MLC1: variants seen among roughly 807,000 people sequenced by gnomAD.
The protein encoded by MLC1 is modulator of VRAC current 1.
Under a neutral mutation model 44.7 loss-of-function variants are expected in MLC1, and 32 were observed. The observed-to-expected ratio is 0.72, with a 90% CI of 0.54 to 0.96. The LOEUF is 0.96. Ranked by LOEUF, MLC1 falls within the 40% of genes least tolerant of loss-of-function variation. MLC1 has a pLI of 0.00. For missense variants in MLC1, 459 were observed against 492.2 expected (o/e 0.93, Z 0.64); for synonymous variants, 190 against 213.0 (o/e 0.89, Z 0.94).
Position 50,085,338 on chromosome 22 carries a change from A to C in MLC1, c.-60+17T>G, listed in dbSNP as rs1036998844. On this transcript the variant is annotated intron_variant, in intron 1 of 11. Coordinates refer to ENST00000311597, the MANE Select transcript of MLC1 (RefSeq NM_015166.4). Reference sequence around the variant, plus strand: ...AAAACATGCCTCTACTCAACGGCTTAATGTCTGAGCACTTACCTCCCCCGC... The same window carrying C: ...AAAACATGCCTCTACTCAACGGCTTCATGTCTGAGCACTTACCTCCCCCGC... 1 of 443,734 alleles carries C rather than the reference A, an allele frequency of 2.3e-6. No individual in the cohort carries two copies. Among genetic ancestry groups the C allele is most frequent in the South Asian group, 3.5e-5 (1 of 28,626 alleles). The allele number at this position is 443,734 out of a possible 1,614,324, so 27.5% of individuals were successfully genotyped here. A position where few individuals can be genotyped will look rare whatever the true frequency, so the allele number is the denominator to read the frequency against.
Position 50,076,772 on chromosome 22 carries a change from C to A in MLC1, c.597+69G>T, listed in dbSNP as rs867652683. On this transcript the variant is annotated intron_variant, in intron 7 of 11. Transcript: ENST00000311597. ...TCGCCAACTCGGAATCGAAACGTGA[C>A]GTTTAATCCAGCCTCAGTCACCCCC... The A allele has an allele frequency of 1.4e-5, 21 of 1,539,622 alleles. No homozygotes were observed. The Admixed American group carries it at 2.8e-4, about 21-fold the overall frequency.
intron 10 of MLC1, among the ~76,000 whole-genome samples, chr22:50,065,243 G>A (rs931971494): frequency 6.6e-6 from 1 of 152,110 alleles, no homozygotes; most frequent in Non-Finnish European, 1.5e-5. Flanking sequence ...TTATTAGAAA[G>A]TCTGGTACTT....
At chr22:50,066,173 G>A (rs2061697724) in intron 10 of MLC1, among the ~76,000 whole-genome samples, 1 of 151,596 alleles carries the variant, frequency 6.6e-6, no homozygotes, top group African/African-American at 2.4e-5. Flanking sequence ...CCCTGTCTCT[G>A]AAAAATAAAA....
At chr22:50,066,577 T>C (rs992020383) in intron 10 of MLC1, among the ~76,000 whole-genome samples, 3 of 151,996 alleles carry the variant, frequency 2.0e-5, no homozygotes, top group Admixed American at 1.3e-4. Flanking sequence ...GGAGAATCAC[T>C]TGAACCCAGG....
At chr22:50,073,349 G>C (rs894424502) in intron 8 of MLC1, among the ~76,000 whole-genome samples, 14 of 152,254 alleles carry the variant, frequency 9.2e-5, no homozygotes, top group Non-Finnish European at 1.8e-4. Context: ...GCAAGGTGCT[G>C]AGAACCTCGT....
At chr22:50,085,867 C>T (rs1255962026), upstream of MLC1, 5 of 152,372 alleles carry the variant, frequency 3.3e-5, no homozygotes, top group African/African-American at 1.2e-4. Context: ...GTGGGCAGCC[C>T]GGATGGCTGG....
chr22:50,085,050 G>A (rs2062247661), intron 1 of MLC1, 89 bp from the exon 2 acceptor site: 1 of 1,491,762 alleles, frequency 6.7e-7, no homozygotes, highest in Admixed American at 2.0e-5. Flanking sequence ...AAGAAATATT[G>A]TTCATACTGA....
intron 3 of MLC1, among the ~76,000 whole-genome samples, chr22:50,082,106 C>G (rs2062156807): frequency 6.6e-6 from 1 of 152,214 alleles, no homozygotes; most frequent in Non-Finnish European, 1.5e-5. Flanking sequence ...GGCCAGAGAC[C>G]CAGCAGGCAT....
rs558319587 is a variant in MLC1 at position 50,061,390 on chromosome 22, GCA to G, written c.*191_*192del. ...CTCGGAGCTGACTGATCTCACTGAGGCACAGACTAGCCAACATTGGCCTATTT... is the reference window on the plus strand; with the variant it reads ...CTCGGAGCTGACTGATCTCACTGAGGCAGACTAGCCAACATTGGCCTATTT... On this transcript the variant is annotated 3_prime_UTR_variant, in exon 12 of 12. Coordinates refer to ENST00000311597, the MANE Select transcript of MLC1 (RefSeq NM_015166.4). The G allele has an allele frequency of 1.1e-4, 69 of 643,188 alleles. No individual in the cohort carries two copies. The African/African-American group carries it at 1.1e-3, about 11-fold the overall frequency. The allele number at this position is 643,188 out of a possible 1,614,324, so 39.8% of individuals were successfully genotyped here.
Position 50,084,814 on chromosome 22 carries a change from G to A in MLC1, c.89C>T (p.Pro30Leu). 1.9e-6 allele frequency: 3 copies of A among 1,614,006 alleles called. No individual in the cohort carries two copies. The highest frequency in any genetic ancestry group is 2.5e-6 in the Non-Finnish European group (3 of 1,180,054). Residue 30 changes from proline to leucine, a missense_variant, in exon 2 of 12, where the codon CCA becomes CTA. Transcript: ENST00000311597. ...CTGCAGGTCGCTCGGCTTCGCGTCT[G>A]GGGCATAGCTGGCGGGGTCTTGCCG... ...RGRQDPASYA[P>L]DAKPSDLQLS...
intron 8 of MLC1, among the ~76,000 whole-genome samples, chr22:50,070,993 A>C (rs2146833454): frequency 6.6e-6 from 1 of 152,290 alleles, no homozygotes; most frequent in African/African-American, 2.4e-5. Context: ...GCACACACCC[A>C]AAGCAGGACC....
At chr22:50,070,084 C>G (rs911274098) in intron 9 of MLC1, among the ~76,000 whole-genome samples, 2 of 152,116 alleles carry the variant, frequency 1.3e-5, no homozygotes, top group Non-Finnish European at 2.9e-5. Flanking sequence ...CGCCTATAAT[C>G]CCAGCTACTC....
chr22:50,063,677 C>A lies in MLC1; in HGVS notation c.1059+357G>T, dbSNP rs1211081758. On this transcript the variant is annotated intron_variant, in intron 11 of 11. Transcript: ENST00000311597. ...TGTGGGCCACTCACCTCCCCAGCAC[C>A]CCTGAAACCCACAGGCCTCTCACCT... Among the ~76,000 whole-genome samples, 3 of 141,542 alleles carry A rather than the reference C, an allele frequency of 2.1e-5. No individual in the cohort carries two copies. In the East Asian group the frequency reaches 6.5e-4, roughly 31 times the overall value. 92.9% of individuals were successfully genotyped at this position (141,542 alleles called of 152,430 possible).
At chr22:50,070,127 G>A (rs1237910909) in intron 9 of MLC1, among the ~76,000 whole-genome samples, 2 of 152,096 alleles carry the variant, frequency 1.3e-5, no homozygotes, top group African/African-American at 2.4e-5. Flanking sequence ...ACTTGAACCC[G>A]GGAGGCGGAG....
At chr22:50,078,173 G>C (rs2062029702) in intron 5 of MLC1, among the ~76,000 whole-genome samples, 1 of 151,882 alleles carries the variant, frequency 6.6e-6, no homozygotes, top group African/African-American at 2.4e-5. Context: ...TGTATTTTTA[G>C]TAGAGAGGGG....
chr22:50,070,816 T>C (rs969936930), intron 8 of MLC1, among the ~76,000 whole-genome samples: 4 of 152,118 alleles, frequency 2.6e-5, no homozygotes, highest in Admixed American at 2.0e-4. Context: ...CAACCATTGG[T>C]TTAAAATTTT....
intron 5 of MLC1, 114 bp from the exon 6 acceptor site, chr22:50,077,616 C>A: frequency 1.2e-6 from 1 of 812,292 alleles, no homozygotes; most frequent in Non-Finnish European, 2.1e-6. Context: ...AGCCACGGTC[C>A]CCACTTTTCC....
chr22:50,073,047 G>GCTCCCGGGCAGGCGTGGGCCCC (rs1569246473), intron 8 of MLC1, among the ~76,000 whole-genome samples: 2 of 151,598 alleles, frequency 1.3e-5, no homozygotes, highest in Non-Finnish European at 2.9e-5. Flanking sequence ...CGGCCACACC[G>GCTCCCGGGCAGGCGTGGGCCCC]TTCCCGGGCA....
rs145244403 is a variant in MLC1, at chr22:50,064,492, C to G, written c.895-294G>C. On this transcript the variant is annotated intron_variant, in intron 10 of 11. Transcript: ENST00000311597. ...GCTGGCTGCTAGTGGTCAAGTCGCTCCACCCCTCCTGCTCCAACACGCGCA... is the reference window on the plus strand; with the variant it reads ...GCTGGCTGCTAGTGGTCAAGTCGCTGCACCCCTCCTGCTCCAACACGCGCA... 7.1e-3 allele frequency among the ~76,000 whole-genome samples: 1,085 copies of G among 152,332 alleles called. 12 individuals are homozygous for G. The highest frequency in any genetic ancestry group is 0.025 in the African/African-American group (1,030 of 41,558).
Sources: gnomAD v4.1 joint callset for allele counts (sites outside exome capture counted in the v4.1 genomes callset) on GRCh38, gnomAD v4.1.1 for gene constraint, MANE v1.5 for transcripts, NCBI Gene and HGNC (gene_info 2026-07-23, HGNC 2026-07-21) for gene names.